SEMA3E: variants seen among roughly 807,000 people sequenced by gnomAD.
The protein encoded by SEMA3E is semaphorin 3E.
Under a neutral mutation model 93.6 loss-of-function variants are expected in SEMA3E, and 49 were observed. The ratio of observed to expected loss-of-function variants is 0.52; its 90% CI spans 0.42 to 0.66. The LOEUF is 0.66. SEMA3E is among the 30% of genes least tolerant of loss of function. SEMA3E has a pLI of 0.00. For synonymous variants in SEMA3E, 363 were observed against 330.7 expected (o/e 1.10, Z -1.06); for missense variants, 906 against 964.8 (o/e 0.94, Z 0.81).
At chr7:83,476,986 A>T (rs2115923339) in intron 2 of SEMA3E, among the ~76,000 whole-genome samples, 1 of 152,298 alleles carries the variant, frequency 6.6e-6, no homozygotes, top group Middle Eastern at 3.4e-3. Context: ...AGAAAAATAA[A>T]ATAAAGTATA....
chr7:83,415,347 G>A (rs941591148), intron 5 of SEMA3E, among the ~76,000 whole-genome samples: 2 of 152,032 alleles, frequency 1.3e-5, no homozygotes, highest in Non-Finnish European at 2.9e-5. Flanking sequence ...CCTGAGATAT[G>A]AGCTGATATG....
intron 1 of SEMA3E, among the ~76,000 whole-genome samples, chr7:83,490,503 T>G (rs561163762): frequency 6.6e-6 from 1 of 152,146 alleles, no homozygotes; most frequent in Non-Finnish European, 1.5e-5. Flanking sequence ...TTCTATATTT[T>G]TAAACACAGA....
At chr7:83,424,874 G>T (rs1788739081) in intron 4 of SEMA3E, 1 of 266,078 alleles carries the variant, frequency 3.8e-6, no homozygotes, top group Non-Finnish European at 7.6e-6. Flanking sequence ...GAGGAATGGG[G>T]CCCTGACCTA....
At chr7:83,541,947 A>G (rs1041267621) in intron 1 of SEMA3E, among the ~76,000 whole-genome samples, 3 of 152,050 alleles carry the variant, frequency 2.0e-5, no homozygotes, top group East Asian at 1.9e-4. Context: ...ATCTGCAAAG[A>G]GAAGGTGGGA....
chr7:83,388,069 G>A (rs1442470433), intron 14 of SEMA3E, among the ~76,000 whole-genome samples: 1 of 148,322 alleles, frequency 6.7e-6, no homozygotes, highest in Non-Finnish European at 1.5e-5. Context: ...CTAGCACTTT[G>A]GGAGGCCAAG....
intron 1 of SEMA3E, among the ~76,000 whole-genome samples, chr7:83,522,364 A>C (rs1791067749): frequency 1.3e-5 from 2 of 152,032 alleles, no homozygotes; most frequent in Admixed American, 1.3e-4. Context: ...CTGGGAACTT[A>C]TTTCTTCAGA....
chr7:83,404,032 A>G (rs941171713), intron 9 of SEMA3E, among the ~76,000 whole-genome samples: 3 of 152,098 alleles, frequency 2.0e-5, no homozygotes, highest in East Asian at 1.9e-4. Context: ...ATATTAACCC[A>G]TAGAAAAACT....
At chr7:83,563,844 A>G (rs960126176) in intron 1 of SEMA3E, among the ~76,000 whole-genome samples, 5 of 152,292 alleles carry the variant, frequency 3.3e-5, no homozygotes, top group East Asian at 3.9e-4. Flanking sequence ...ATAGGAGTCA[A>G]AGCTGTTGAT....
chr7:83,515,865 T>A (rs567393915), intron 1 of SEMA3E, among the ~76,000 whole-genome samples: 2 of 151,964 alleles, frequency 1.3e-5, no homozygotes, highest in Non-Finnish European at 2.9e-5. Context: ...ACGTCTCCAC[T>A]AAAAATAAAA....
chr7:83,431,949 CT>C (rs34741502), intron 4 of SEMA3E, among the ~76,000 whole-genome samples: 45,199 of 138,964 alleles, frequency 0.33, 7,347 homozygotes, highest in East Asian at 0.44. Context: ...TAATTGGTGA[CT>C]TTTTTTTTTT....
intron 1 of SEMA3E, among the ~76,000 whole-genome samples, chr7:83,593,260 G>GTCTCTCTCTCTCTCTCTCTCTC (rs1186592715): frequency 1.7e-4 from 16 of 96,328 alleles, no homozygotes; most frequent in African/African-American, 7.0e-4. Context: ...CTCTCTCTCT[G>GTCTCTCTCTCTCTCTCTCTCTC]TCTCTCTCTC....
intron 1 of SEMA3E, among the ~76,000 whole-genome samples, chr7:83,507,192 A>C (rs1413209189): frequency 6.6e-6 from 1 of 152,146 alleles, no homozygotes; most frequent in Non-Finnish European, 1.5e-5. Context: ...AAATAGTTGG[A>C]TCCTCTGGCA....
chr7:83,455,222 C>A (rs1285274685), intron 4 of SEMA3E, among the ~76,000 whole-genome samples: 1 of 152,274 alleles, frequency 6.6e-6, no homozygotes, highest in East Asian at 1.9e-4. Flanking sequence ...ATATACTGTA[C>A]CCTGTTAAAA....
At chr7:83,539,198 T>A (rs1261161572) in intron 1 of SEMA3E, among the ~76,000 whole-genome samples, 1 of 152,200 alleles carries the variant, frequency 6.6e-6, no homozygotes, top group Non-Finnish European at 1.5e-5. Context: ...AGTACCAGGC[T>A]CTGGGAGCCC....
rs1554333782 is a variant in SEMA3E at position 83,507,473 on chromosome 7, TGA to T, written c.116-17201_116-17200del. Among the ~76,000 whole-genome samples, 5 of 138,170 alleles carry T rather than the reference TGA, an allele frequency of 3.6e-5. No individual in the cohort carries two copies. The East Asian group carries it at 6.4e-4, about 18-fold the overall frequency. 90.6% of individuals were successfully genotyped at this position (138,170 alleles called of 152,430 possible). A position where few individuals can be genotyped will look rare whatever the true frequency, so the allele number is the denominator to read the frequency against. ...GTGTGTGTGTGTGTGTGTGTGTGTG[TGA>T]AAGGGAGAGACAGACAGAGATGGAG... On this transcript the variant is annotated intron_variant, in intron 1 of 16. Transcript: ENST00000643230.
intron 14 of SEMA3E, among the ~76,000 whole-genome samples, chr7:83,391,198 A>G (rs1228240101): frequency 2.6e-5 from 4 of 152,106 alleles, no homozygotes; most frequent in African/African-American, 7.2e-5. Context: ...TCTACCTTCA[A>G]GATTAAGCTC....
intron 1 of SEMA3E, among the ~76,000 whole-genome samples, chr7:83,603,226 A>G (rs1292578623): frequency 6.6e-6 from 1 of 152,128 alleles, no homozygotes; most frequent in African/African-American, 2.4e-5. Context: ...AATAGCTCTC[A>G]CCCAAATACC....
intron 1 of SEMA3E, among the ~76,000 whole-genome samples, chr7:83,639,136 A>AAAAAAAAAAAC (rs1562866057): frequency 3.0e-5 from 4 of 132,064 alleles, no homozygotes; most frequent in African/African-American, 1.1e-4. Context: ...AAAAAAAAAA[A>AAAAAAAAAAAC]AAAACAGAGA....
Position 83,629,069 on chromosome 7 carries a change from GCTGGAGTTCA to G in SEMA3E, c.115+19349_115+19358del, listed in dbSNP as rs532910393. On this transcript the variant is annotated intron_variant, in intron 1 of 16. Transcript: ENST00000643230. Reference sequence around the variant, plus strand: ...CTCTTCTCCAGGTCTGCTGGAGTTTGCTGGAGTTCACTGGAGTTCACTGGAGTTCCACTCC... The same window carrying G: ...CTCTTCTCCAGGTCTGCTGGAGTTTGCTGGAGTTCACTGGAGTTCCACTCC... Among the ~76,000 whole-genome samples the G allele has an allele frequency of 2.2e-3, 336 of 152,172 alleles. 1 individual carries two copies. Among genetic ancestry groups the G allele is most frequent in the African/African-American group, 7.3e-3 (302 of 41,550 alleles).
Sources: gnomAD v4.1 joint callset for allele counts (sites outside exome capture counted in the v4.1 genomes callset) on GRCh38, gnomAD v4.1.1 for gene constraint, MANE v1.5 for transcripts, NCBI Gene and HGNC (gene_info 2026-07-23, HGNC 2026-07-21) for gene names.